Variants in FBXL13 observed in about 807,000 individuals in gnomAD.
FBXL13 encodes F-box and leucine-rich repeat protein 13.
Under a neutral mutation model 83.6 loss-of-function variants are expected in FBXL13, and 67 were observed. The ratio of observed to expected loss-of-function variants is 0.80; its 90% CI spans 0.66 to 0.98. The LOEUF (loss-of-function observed/expected upper bound fraction) is 0.98. FBXL13 is among the 50% of genes least tolerant of loss of function. The pLI is 0.00. For synonymous variants in FBXL13, 272 were observed against 299.5 expected (o/e 0.91, Z 0.95); for missense variants, 822 against 866.5 (o/e 0.95, Z 0.64).
chr7:102,840,678 G>A (rs970682598), intron 17 of FBXL13, among the ~76,000 whole-genome samples: 2 of 152,006 alleles, frequency 1.3e-5, no homozygotes, highest in African/African-American at 2.4e-5. Flanking sequence ...TCCCATTTGC[G>A]GACATAATAG....
At chr7:102,901,584 T>A (rs1231427369) in intron 11 of FBXL13, among the ~76,000 whole-genome samples, 2 of 152,196 alleles carry the variant, frequency 1.3e-5, no homozygotes, top group Admixed American at 6.5e-5. Flanking sequence ...CTGGTAATCA[T>A]CCTTCTACTC....
chr7:102,847,654 G>A (rs1804251474), intron 17 of FBXL13, among the ~76,000 whole-genome samples: 1 of 152,028 alleles, frequency 6.6e-6, no homozygotes, highest in Admixed American at 6.5e-5. Context: ...AGCCTCCGGA[G>A]TAGCTGGGAC....
At chr7:102,944,284 G>A (rs531608842) in intron 8 of FBXL13, 79 of 1,613,898 alleles carry the variant, frequency 4.9e-5, no homozygotes, top group Non-Finnish European at 6.3e-5. Context: ...TGACTATGGC[G>A]TATTAGAAGA....
intron 1 of FBXL13, among the ~76,000 whole-genome samples, chr7:103,072,619 C>A (rs1193824703): frequency 1.3e-5 from 2 of 152,214 alleles, no homozygotes; most frequent in East Asian, 3.8e-4. Flanking sequence ...ACCTGCTCCA[C>A]CGCCATATCA....
intron 14 of FBXL13, among the ~76,000 whole-genome samples, chr7:102,883,030 T>C (rs1031490654): frequency 2.0e-5 from 3 of 151,954 alleles, no homozygotes; most frequent in Non-Finnish European, 4.4e-5. Flanking sequence ...AAACCCTCAA[T>C]AGGAAAGGTA....
chr7:102,983,437 T>TTTTTTTG, intron 6 of FBXL13, among the ~76,000 whole-genome samples: 2 of 151,096 alleles, frequency 1.3e-5, no homozygotes, highest in Non-Finnish European at 3.0e-5. Flanking sequence ...TTTTTTTTTT[T>TTTTTTTG]TGAGTGGGGT....
chr7:103,001,812 G>A (rs1315952009), intron 6 of FBXL13, among the ~76,000 whole-genome samples: 1 of 152,196 alleles, frequency 6.6e-6, no homozygotes, highest in Non-Finnish European at 1.5e-5. Context: ...CAGAATGAGG[G>A]CTGTACTGTC....
rs567178297 is a variant in FBXL13, at chr7:103,024,883, G to C, written c.495+180C>G. On this transcript the variant is annotated intron_variant, in intron 6 of 19. Coordinates refer to ENST00000313221, the Ensembl canonical transcript of FBXL13. ...TTTTTTTTTTTTTTTTTTTTGAGATGGAGTTTTGCTATTGTCGCCCAGGCT... is the reference window on the plus strand; with the variant it reads ...TTTTTTTTTTTTTTTTTTTTGAGATCGAGTTTTGCTATTGTCGCCCAGGCT... Among the ~76,000 whole-genome samples, 73 of 79,090 alleles carry C rather than the reference G, an allele frequency of 9.2e-4. 2 individuals are homozygous for C. In the South Asian group the frequency reaches 0.029, roughly 31 times the overall value. The allele number at this position is 79,090 out of a possible 152,430, so 51.9% of individuals were successfully genotyped here.
At chr7:102,827,676 C>G (rs1018651289) in intron 18 of FBXL13, among the ~76,000 whole-genome samples, 4 of 152,200 alleles carry the variant, frequency 2.6e-5, no homozygotes, top group Admixed American at 6.5e-5. Context: ...TTCCTCCCCC[C>G]TCCCGCCACC....
intron 1 of FBXL13, among the ~76,000 whole-genome samples, chr7:103,057,202 T>C (rs772267263): frequency 2.7e-4 from 41 of 152,212 alleles, no homozygotes; most frequent in Admixed American, 5.9e-4. Context: ...TCTGTATTTA[T>C]TCAGTGTTAA....
intron 11 of FBXL13, among the ~76,000 whole-genome samples, chr7:102,908,220 T>A (rs775878244): frequency 2.6e-5 from 4 of 152,184 alleles, no homozygotes; most frequent in African/African-American, 4.8e-5. Context: ...TTCTTCAATA[T>A]ACCAATTGCA....
chr7:102,994,983 C>G (rs964510520), intron 6 of FBXL13, among the ~76,000 whole-genome samples: 2 of 152,190 alleles, frequency 1.3e-5, no homozygotes, highest in Non-Finnish European at 2.9e-5. Flanking sequence ...GAGATTGGCT[C>G]TTTCAGATTC....
intron 6 of FBXL13, among the ~76,000 whole-genome samples, chr7:102,976,510 C>T (rs1827483281): frequency 6.6e-6 from 1 of 152,198 alleles, no homozygotes; most frequent in African/African-American, 2.4e-5. Flanking sequence ...AACGCATCAA[C>T]CCAAACCCCT....
intron 18 of FBXL13, among the ~76,000 whole-genome samples, chr7:102,822,864 G>T (rs1798997750): frequency 6.6e-6 from 1 of 152,164 alleles, no homozygotes; most frequent in African/African-American, 2.4e-5. Context: ...CTTGAACCCA[G>T]TTCGAGACCA....
At chr7:102,928,445 T>C (rs1325302699) in intron 9 of FBXL13, among the ~76,000 whole-genome samples, 2 of 152,162 alleles carry the variant, frequency 1.3e-5, no homozygotes, top group Non-Finnish European at 2.9e-5. Context: ...GTTACCCAAC[T>C]CCTTAAATGT....
At chr7:102,882,170 A>C (rs1175588027) in intron 14 of FBXL13, among the ~76,000 whole-genome samples, 2 of 151,674 alleles carry the variant, frequency 1.3e-5, no homozygotes, top group East Asian at 3.9e-4. Context: ...CTGAGGCAGG[A>C]GGACCACTTG....
chr7:102,834,145 G>C (rs148906634), intron 17 of FBXL13, among the ~76,000 whole-genome samples: 11,791 of 93,646 alleles, frequency 0.13, 1,008 homozygotes, highest in Middle Eastern at 0.17. Context: ...AAAGAAAAGA[G>C]AAGACAAGAG....
intron 10 of FBXL13, among the ~76,000 whole-genome samples, chr7:102,921,045 G>A (rs914856238): frequency 4.6e-5 from 7 of 152,054 alleles, no homozygotes; most frequent in Non-Finnish European, 8.8e-5. Context: ...CCAGCTACTC[G>A]GGAGGCTGAG....
At chr7:103,055,372 G>A (rs544297437) in intron 2 of FBXL13, among the ~76,000 whole-genome samples, 194 bp from the exon 3 acceptor site, 1 of 152,262 alleles carries the variant, frequency 6.6e-6, no homozygotes, top group African/African-American at 2.4e-5. Flanking sequence ...GTCCCCCAAA[G>A]GAGGATATGC....
Sources: allele counts gnomAD v4.1 joint callset (sites outside exome capture counted in the v4.1 genomes callset), GRCh38; gene constraint gnomAD v4.1.1; transcripts MANE v1.5; gene names NCBI Gene and HGNC (gene_info 2026-07-23, HGNC 2026-07-21).